The following COL4A3 variants were observed in gnomAD, a reference collection of about 807,000 sequenced individuals.
The protein encoded by COL4A3 is collagen alpha-3(IV) chain.
Under a neutral mutation model 217.4 loss-of-function variants are expected in COL4A3, and 135 were observed. The observed-to-expected ratio is 0.62, with a 90% confidence interval of 0.54 to 0.72. The LOEUF (loss-of-function observed/expected upper bound fraction) is 0.72. Among genes scored for constraint, COL4A3 ranks in the 30% least tolerant of loss-of-function variants. The pLI, the probability that COL4A3 is intolerant of heterozygous loss-of-function variation, is 0.00. For synonymous variants in COL4A3, 690 were observed against 736.3 expected, an observed-to-expected ratio of 0.94 and a Z score of 1.02; for missense variants, 1,868 against 2,119.9, an observed-to-expected ratio of 0.88 and a Z score of 2.33.
At chr2:227,228,639 AC>A (rs1453720107) in intron 1 of COL4A3, 4 of 152,276 alleles carry the variant, frequency 2.6e-5, no homozygotes, top group Admixed American at 6.5e-5. Context: ...CTGGCTGTTG[AC>A]AGTAGAGAGA....
At chr2:227,262,353 C>T (rs2070637449) in intron 20 of COL4A3, among the ~76,000 whole-genome samples, 1 of 152,018 alleles carries the variant, frequency 6.6e-6, no homozygotes, top group African/African-American at 2.4e-5. Context: ...CTTTAATAAG[C>T]CGATGAGAGG....
At chr2:227,297,224 C>T (rs2073066925) in intron 41 of COL4A3, among the ~76,000 whole-genome samples, 1 of 152,186 alleles carries the variant, frequency 6.6e-6, no homozygotes, top group Admixed American at 6.5e-5. Flanking sequence ...AGTTTAGCTT[C>T]TTATGCTCTA....
Position 227,310,813 on chromosome 2 carries a change from T to G in COL4A3, c.4793T>G (p.Leu1598Arg), listed in dbSNP as rs752452590. The G allele has an allele frequency of 2.2e-5, 36 of 1,614,168 alleles. No individual in the cohort carries two copies. In the East Asian group the frequency reaches 7.6e-4, roughly 34 times the overall value. Reference protein sequence around the residue: ...SAGSEGTGQALASPGSCLEEF... With the variant: ...SAGSEGTGQARASPGSCLEEF... ...GGTTCTGAGGGCACCGGGCAAGCAC[T>G]GGCCTCCCCTGGCTCCTGCCTGGAA... The change falls in exon 51 of 52, where the codon CTG becomes CGG. Residue 1598 changes from leucine to arginine, a missense_variant. This residue lies in a region of COL4A3 where 1,503 missense variants were observed against 1,786.1 expected (regional missense o/e 0.84). Transcript: ENST00000396578.
chr2:227,285,277 TAAAAAAA>T (rs764697409), intron 34 of COL4A3, among the ~76,000 whole-genome samples: 5 of 72,374 alleles, frequency 6.9e-5, no homozygotes, highest in Admixed American at 6.2e-4. Flanking sequence ...CTGCCAAACC[TAAAAAAA>T]AAAAAAAAAA....
At chr2:227,215,775 G>T (rs928777589) in intron 1 of COL4A3, among the ~76,000 whole-genome samples, 1 of 151,986 alleles carries the variant, frequency 6.6e-6, no homozygotes, top group African/African-American at 2.4e-5. Context: ...CTTGTTTTAT[G>T]TGCAGATTTA....
chr2:227,197,103 G>A (rs183903471), intron 1 of COL4A3, among the ~76,000 whole-genome samples: 64 of 152,232 alleles, frequency 4.2e-4, no homozygotes, highest in Non-Finnish European at 2.2e-4. Flanking sequence ...TTCGCCTTCC[G>A]CCATGATTGT....
chr2:227,172,467 CAGAG>C (rs945435875), intron 1 of COL4A3, among the ~76,000 whole-genome samples: 4 of 152,124 alleles, frequency 2.6e-5, no homozygotes, highest in South Asian at 2.1e-4. Context: ...GGGAGAAAGA[CAGAG>C]AGAGAGCTAC....
chr2:227,174,209 A>G (rs1184627996), intron 1 of COL4A3, among the ~76,000 whole-genome samples: 2 of 152,226 alleles, frequency 1.3e-5, no homozygotes, highest in East Asian at 3.8e-4. Flanking sequence ...AGTTATGTAC[A>G]GGAAAAATTG....
chr2:227,174,986 C>G (rs1559794659), intron 1 of COL4A3, among the ~76,000 whole-genome samples: 1 of 152,102 alleles, frequency 6.6e-6, no homozygotes, highest in Non-Finnish European at 1.5e-5. Flanking sequence ...GATTGTGGTG[C>G]TGCAGGAGAG....
intron 1 of COL4A3, chr2:227,169,234 G>A (rs903271353): frequency 4.0e-5 from 6 of 151,202 alleles, no homozygotes; most frequent in African/African-American, 1.5e-4. Flanking sequence ...CATTTTTTAT[G>A]GCTGCATAGT....
At position 227,263,941 on chromosome 2, in the gene COL4A3, C is replaced by T; in HGVS notation, c.1312C>T (p.Pro438Ser). ...LPGSPGPPGP[P>S]GDIVFRKGPP... Reference sequence around the variant, plus strand: ...AGGATCACCGGGACCTCCAGGACCGCCAGGTAAAGATGTGGAAGGGGACCC... The same window carrying T: ...AGGATCACCGGGACCTCCAGGACCGTCAGGTAAAGATGTGGAAGGGGACCC... The change falls in exon 21 of 52, where the codon CCA (proline) becomes TCA (serine). Residue 438 changes from proline (P) to serine (S), a missense_variant. This residue lies in a region of COL4A3 where 1,503 missense variants were observed against 1,786.1 expected (regional missense o/e 0.84). Transcript: ENST00000396578. 6.2e-7 allele frequency: 1 copy of T among 1,614,004 alleles called. No homozygotes were observed. The highest frequency in any genetic ancestry group is 8.5e-7 in the Non-Finnish European group (1 of 1,179,934).
intron 1 of COL4A3, among the ~76,000 whole-genome samples, chr2:227,202,214 T>G (rs2125739705): frequency 6.6e-6 from 1 of 152,336 alleles, no homozygotes; most frequent in East Asian, 1.9e-4. Context: ...CTAGCTTGCC[T>G]GTGGTATGCA....
At chr2:227,195,015 G>A (rs1477832566) in intron 1 of COL4A3, among the ~76,000 whole-genome samples, 2 of 151,930 alleles carry the variant, frequency 1.3e-5, no homozygotes, top group African/African-American at 4.8e-5. Context: ...AATAATCTTG[G>A]GGAAAAAAGA....
Position 227,237,958 on chromosome 2 carries a change from C to G in COL4A3, c.88-10C>G, listed in dbSNP as rs780318351. On this transcript the variant is annotated splice_polypyrimidine_tract_variant and intron_variant, in intron 1 of 51. Transcript: ENST00000396578. ...TCTAAACAAAACCCTTTCTCTTTCC[C>G]TCTTCCTAGGGTTGTGTCTGTAAAG... 3 of 1,605,342 alleles carry G rather than the reference C, an allele frequency of 1.9e-6. No homozygotes were observed. In the Admixed American group the frequency reaches 5.0e-5, roughly 27 times the overall value.
At chr2:227,197,095 C>T (rs527321157) in intron 1 of COL4A3, among the ~76,000 whole-genome samples, 24 of 152,270 alleles carry the variant, frequency 1.6e-4, no homozygotes, top group East Asian at 5.8e-4. Flanking sequence ...ATGTGCCTTT[C>T]GCCTTCCGCC....
chr2:227,183,798 T>C (rs2125679576), intron 1 of COL4A3, among the ~76,000 whole-genome samples: 1 of 152,312 alleles, frequency 6.6e-6, no homozygotes, highest in Admixed American at 6.5e-5. Context: ...GTCAAAAGAT[T>C]GGGCACAGGA....
At chr2:227,188,426 A>G (rs2066111501) in intron 1 of COL4A3, among the ~76,000 whole-genome samples, 1 of 152,056 alleles carries the variant, frequency 6.6e-6, no homozygotes, top group South Asian at 2.1e-4. Flanking sequence ...CATTGGCTTA[A>G]CACAAAATAC....
chr2:227,252,271 T>C (rs918652952), intron 11 of COL4A3, among the ~76,000 whole-genome samples: 1 of 140,280 alleles, frequency 7.1e-6, no homozygotes, highest in Non-Finnish European at 1.5e-5. Flanking sequence ...TGGAGTGTAG[T>C]GGTGCGATCT....
intron 1 of COL4A3, among the ~76,000 whole-genome samples, chr2:227,215,584 G>A (rs571474345): frequency 2.7e-4 from 41 of 152,160 alleles, no homozygotes; most frequent in South Asian, 1.0e-3. Flanking sequence ...TCAGCCTCCC[G>A]AGTAGCTGGG....
Sources: allele counts gnomAD v4.1 joint callset (sites outside exome capture counted in the v4.1 genomes callset), GRCh38; gene constraint gnomAD v4.1.1; regional missense constraint gnomAD v4.1.1; transcripts MANE v1.5; gene names NCBI Gene and HGNC (gene_info 2026-07-23, HGNC 2026-07-21).